The following COL25A1 variants were observed in gnomAD, a reference collection of about 807,000 sequenced individuals.
COL25A1 encodes collagen type XXV alpha 1 chain, also known as collagen alpha-1(XXV) chain.
COL25A1 carries 103 observed loss-of-function variants against 128.4 expected under a neutral mutation model. The ratio of observed to expected loss-of-function variants is 0.80; its 90% CI spans 0.68 to 0.94. The LOEUF (loss-of-function observed/expected upper bound fraction) is 0.94. COL25A1 is among the 40% of genes least tolerant of loss of function. COL25A1 has a pLI of 0.00. For synonymous variants in COL25A1, 279 were observed against 277.2 expected, an observed-to-expected ratio of 1.01 and a Z score of -0.06; for missense variants, 745 against 840.0, an observed-to-expected ratio of 0.89 and a Z score of 1.40.
chr4:109,089,097 G>A (rs1032291998), intron 3 of COL25A1, among the ~76,000 whole-genome samples: 3 of 152,136 alleles, frequency 2.0e-5, no homozygotes, highest in Non-Finnish European at 2.9e-5. Flanking sequence ...AAGCACAGTG[G>A]GACATTTGGA....
Position 109,019,375 on chromosome 4 carries a change from C to CATATATATATATATATATATATATAT in COL25A1, c.421-9001_421-9000insATATATATATATATATATATATATAT, listed in dbSNP as rs57842656. 6.6e-3 allele frequency among the ~76,000 whole-genome samples: 317 copies of CATATATATATATATATATATATATAT among 48,380 alleles called. 7 individuals carry two copies. Among genetic ancestry groups the CATATATATATATATATATATATATAT allele is most frequent in the Non-Finnish European group, 8.6e-3 (252 of 29,214 alleles). 31.7% of individuals were successfully genotyped at this position (48,380 alleles called of 152,430 possible). On this transcript the variant is annotated intron_variant, in intron 5 of 37. Coordinates refer to ENST00000399132, the MANE Select transcript of COL25A1 (RefSeq NM_198721.4). The stretch of plus-strand genomic sequence containing the variant: ...ACACACACACACACACACACACACA[C>CATATATATATATATATATATATATAT]ATATATATATATATATATATATATT...
chr4:109,136,038 T>C (rs775429545), intron 3 of COL25A1, among the ~76,000 whole-genome samples: 2 of 152,200 alleles, frequency 1.3e-5, no homozygotes, highest in African/African-American at 2.4e-5. Flanking sequence ...ATGCTTAGTA[T>C]TGTGCCAGGC....
intron 11 of COL25A1, among the ~76,000 whole-genome samples, chr4:108,934,061 A>G (rs1366185600): frequency 6.6e-6 from 1 of 152,208 alleles, no homozygotes; most frequent in Non-Finnish European, 1.5e-5. Context: ...ACTATTCACA[A>G]TAGCAAAGAC....
At chr4:109,247,004 G>A (rs535169460) in intron 3 of COL25A1, among the ~76,000 whole-genome samples, 2 of 152,342 alleles carry the variant, frequency 1.3e-5, no homozygotes, top group Admixed American at 1.3e-4. Flanking sequence ...AAGGCTTGAT[G>A]TTTGTGCATT....
chr4:109,102,874 A>G (rs1485854737), intron 3 of COL25A1, among the ~76,000 whole-genome samples: 2 of 152,144 alleles, frequency 1.3e-5, no homozygotes, highest in Non-Finnish European at 1.5e-5. Flanking sequence ...TCTTTATCCA[A>G]TCTGAAAAAT....
At chr4:108,973,526 A>G (rs144068218) in intron 8 of COL25A1, among the ~76,000 whole-genome samples, 29 of 152,332 alleles carry the variant, frequency 1.9e-4, no homozygotes, top group Admixed American at 1.0e-3. Context: ...AGCACAGTGA[A>G]TTTTACAGAA....
intron 13 of COL25A1, 112 bp from the exon 14 acceptor site, chr4:108,901,284 A>C: frequency 1.3e-6 from 1 of 746,896 alleles, no homozygotes; most frequent in East Asian, 2.7e-5. Context: ...ATAAAGAATA[A>C]GTGACTATTA....
intron 3 of COL25A1, among the ~76,000 whole-genome samples, chr4:109,067,438 A>C (rs1298525968): frequency 6.6e-6 from 1 of 152,232 alleles, no homozygotes; most frequent in South Asian, 2.1e-4. Context: ...GGAAAAAAAA[A>C]ATTGAAAATA....
At chr4:109,177,581 C>T (rs1345807209) in intron 3 of COL25A1, among the ~76,000 whole-genome samples, 9 of 152,086 alleles carry the variant, frequency 5.9e-5, no homozygotes, top group Admixed American at 5.9e-4. Flanking sequence ...TCAATACAGC[C>T]TATACTCTTC....
chr4:108,899,230 T>C (rs751062708), intron 14 of COL25A1, 50 bp from the exon 15 acceptor site: 10 of 1,517,790 alleles, frequency 6.6e-6, no homozygotes, highest in African/African-American at 1.4e-5. Flanking sequence ...AAACACCTAA[T>C]TTTATTATCA....
At chr4:108,893,578 G>T (rs80026901) in intron 16 of COL25A1, among the ~76,000 whole-genome samples, 1 of 151,992 alleles carries the variant, frequency 6.6e-6, no homozygotes. Flanking sequence ...CAGATGACCA[G>T]TCTGGAAAGG....
chr4:109,125,926 C>T (rs551933099), intron 3 of COL25A1, among the ~76,000 whole-genome samples: 11 of 152,024 alleles, frequency 7.2e-5, no homozygotes, highest in Admixed American at 2.0e-4. Flanking sequence ...ATCTACTAAC[C>T]GTTACCTTTG....
intron 3 of COL25A1, among the ~76,000 whole-genome samples, chr4:109,251,135 T>C (rs531557767): frequency 6.6e-6 from 1 of 152,156 alleles, no homozygotes; most frequent in Non-Finnish European, 1.5e-5. Context: ...AGAAAACAGA[T>C]TTTTGCTTAA....
chr4:108,893,080 G>C, intron 16 of COL25A1, among the ~76,000 whole-genome samples: 1 of 152,122 alleles, frequency 6.6e-6, no homozygotes, highest in East Asian at 1.9e-4. Context: ...TTCTGAAAAG[G>C]CTCAGAGGAT....
intron 19 of COL25A1, among the ~76,000 whole-genome samples, chr4:108,871,658 C>T (rs1462993181): frequency 2.0e-5 from 3 of 152,146 alleles, no homozygotes; most frequent in Non-Finnish European, 4.4e-5. Flanking sequence ...TACATTATAC[C>T]TGATTATGCC....
intron 5 of COL25A1, among the ~76,000 whole-genome samples, chr4:109,039,733 T>C (rs1301415581): frequency 6.6e-6 from 1 of 152,220 alleles, no homozygotes; most frequent in Non-Finnish European, 1.5e-5. Flanking sequence ...GGGTGTGGTA[T>C]GTATTAAGCA....
At chr4:108,984,860 G>A (rs573738059) in intron 6 of COL25A1, among the ~76,000 whole-genome samples, 2 of 152,254 alleles carry the variant, frequency 1.3e-5, no homozygotes, top group South Asian at 4.1e-4. Context: ...CCCAGGCAGA[G>A]GAAGCGCCAA....
At chr4:109,032,061 T>C (rs1449342382) in intron 5 of COL25A1, among the ~76,000 whole-genome samples, 1 of 152,164 alleles carries the variant, frequency 6.6e-6, no homozygotes, top group Non-Finnish European at 1.5e-5. Flanking sequence ...TGTTACAATA[T>C]GCCAGGTACT....
rs1774145301 is a variant in COL25A1, at chr4:109,176,755, A to T, written c.367+123828T>A. On this transcript the variant is annotated intron_variant, in intron 3 of 37. Coordinates refer to ENST00000399132, the MANE Select transcript of COL25A1 (RefSeq NM_198721.4). ...AACCAGGTGCCTCAAATTCAAAGAC[A>T]AGTTTCTTTAAAATAAAAGGAAAAG... 2.0e-5 allele frequency among the ~76,000 whole-genome samples: 3 copies of T among 152,216 alleles called. No individual in the cohort carries two copies. In the South Asian group the frequency reaches 6.2e-4, roughly 31 times the overall value.
Sources: allele counts gnomAD v4.1 joint callset (sites outside exome capture counted in the v4.1 genomes callset), GRCh38; gene constraint gnomAD v4.1.1; transcripts MANE v1.5; gene names NCBI Gene and HGNC (gene_info 2026-07-23, HGNC 2026-07-21).